Variants in ERBB4 observed in about 807,000 individuals in gnomAD.
ERBB4 encodes the protein erb-b2 receptor tyrosine kinase 4, also known as receptor tyrosine-protein kinase erbB-4.
In ERBB4, 42 loss-of-function variants were observed where a neutral mutation model predicts 158.0. The observed-to-expected ratio is 0.27, with a 90% confidence interval of 0.21 to 0.34. ERBB4 has a LOEUF of 0.34. ERBB4 is among the 10% of genes least tolerant of loss of function. The pLI is 1.00. For missense variants in ERBB4, 1,333 were observed against 1,624.1 expected (o/e 0.82, Z 3.08); for synonymous variants, 583 against 558.7 (o/e 1.04, Z -0.61).
chr2:212,003,511 C>A lies in ERBB4; in HGVS notation c.235-55895G>T, dbSNP rs185217504. On this transcript the variant is annotated intron_variant, in intron 2 of 27. Transcript: ENST00000342788. ...CTAACAGCCAATTCGTGCTGACTTC[C>A]TAGAACTAAATGGAATGGAAAACAC... Among the ~76,000 whole-genome samples the A allele has an allele frequency of 5.3e-4, 80 of 152,044 alleles. 1 individual carries two copies. Among genetic ancestry groups the A allele is most frequent in the African/African-American group, 1.8e-3 (73 of 41,504 alleles).
At chr2:211,555,980 T>C (rs2067226442) in intron 20 of ERBB4, among the ~76,000 whole-genome samples, 1 of 152,150 alleles carries the variant, frequency 6.6e-6, no homozygotes, top group Admixed American at 6.6e-5. Flanking sequence ...ATACTAAATC[T>C]TGAACGTAAA....
intron 2 of ERBB4, among the ~76,000 whole-genome samples, chr2:211,969,952 G>A (rs901327765): frequency 6.6e-6 from 1 of 151,764 alleles, no homozygotes; most frequent in African/African-American, 2.4e-5. Context: ...TTTGCTCTTG[G>A]TTCTCTAATT....
At chr2:211,984,119 G>A (rs932593165) in intron 2 of ERBB4, among the ~76,000 whole-genome samples, 6 of 152,134 alleles carry the variant, frequency 3.9e-5, no homozygotes, top group Non-Finnish European at 7.4e-5. Flanking sequence ...CTGCTTGAGG[G>A]CTTGCTTTCT....
chr2:211,778,402 C>T (rs1236440747), intron 4 of ERBB4: 1 of 152,068 alleles, frequency 6.6e-6, no homozygotes, highest in East Asian at 1.9e-4. Context: ...ACCAGGAACT[C>T]TGCTAGGAGA....
intron 12 of ERBB4, among the ~76,000 whole-genome samples, chr2:211,694,525 C>A (rs984724235): frequency 1.5e-4 from 23 of 149,204 alleles, no homozygotes; most frequent in Non-Finnish European, 4.4e-5. Context: ...AGACAGTGTG[C>A]TGTTTCAAAT....
chr2:211,631,271 C>T (rs540435262), intron 16 of ERBB4, among the ~76,000 whole-genome samples: 12 of 152,066 alleles, frequency 7.9e-5, no homozygotes, highest in Non-Finnish European at 1.8e-4. Context: ...CCCCACACCT[C>T]TGGAGTATAA....
At chr2:212,258,467 A>G (rs2084820887) in intron 1 of ERBB4, among the ~76,000 whole-genome samples, 1 of 151,678 alleles carries the variant, frequency 6.6e-6, no homozygotes, top group African/African-American at 2.4e-5. Context: ...TTTCCAAATA[A>G]TAAACAAAAA....
At chr2:211,981,877 T>G (rs566697165) in intron 2 of ERBB4, among the ~76,000 whole-genome samples, 4 of 152,304 alleles carry the variant, frequency 2.6e-5, no homozygotes, top group African/African-American at 4.8e-5. Context: ...AGCTGTTTGA[T>G]ACCTCTCACT....
At chr2:211,675,959 C>T (rs1367486360) in intron 13 of ERBB4, among the ~76,000 whole-genome samples, 4 of 151,728 alleles carry the variant, frequency 2.6e-5, no homozygotes, top group African/African-American at 9.7e-5. Flanking sequence ...GGTAGAAACT[C>T]CAACAAGATC....
At chr2:211,420,374 C>T (rs1342840200) in intron 25 of ERBB4, 67 bp downstream of exon 25, 5 of 1,124,528 alleles carry the variant, frequency 4.4e-6, no homozygotes, top group Middle Eastern at 2.7e-4. Context: ...AATGTTAGTG[C>T]TTATGAACTA....
intron 12 of ERBB4, among the ~76,000 whole-genome samples, chr2:211,685,603 A>G (rs2072532234): frequency 1.3e-5 from 2 of 152,198 alleles, no homozygotes; most frequent in Admixed American, 1.3e-4. Context: ...TAGTTGGACT[A>G]ACTTGTTTGC....
At position 211,630,572 on chromosome 2, in the gene ERBB4, C is replaced by A. The variant is rs1278933337; in HGVS notation, c.1969G>T (p.Val657Leu). Residue 657 changes from valine to leucine, a missense_variant, in exon 17 of 28, where the codon GTA becomes TTA. By Grantham distance (32) the Val-to-Leu change is conservative. This residue lies in a region of ERBB4 where 245 missense variants were observed against 247.5 expected (regional missense o/e 0.99). Transcript: ENST00000342788. ...ACCAGAATGAAGAGCCCACCAATTACTCCAGCTGCAATCAGGGGAGTTCTG... is the reference window on the plus strand; with the variant it reads ...ACCAGAATGAAGAGCCCACCAATTAATCCAGCTGCAATCAGGGGAGTTCTG... ...HARTPLIAAGVIGGLFILVIV... is the reference protein window; with the variant it reads ...HARTPLIAAGLIGGLFILVIV... 3 of 1,613,132 alleles carry A rather than the reference C, an allele frequency of 1.9e-6. No individual in the cohort carries two copies. The highest frequency in any genetic ancestry group is 2.5e-6 in the Non-Finnish European group (3 of 1,179,832).
intron 1 of ERBB4, among the ~76,000 whole-genome samples, chr2:212,465,861 T>C (rs1278072877): frequency 2.0e-5 from 3 of 152,234 alleles, no homozygotes; most frequent in Non-Finnish European, 4.4e-5. Context: ...AAACTTCGAA[T>C]GTTAAGTGGA....
intron 20 of ERBB4, among the ~76,000 whole-genome samples, chr2:211,549,349 AG>A (rs763905347): frequency 1.3e-5 from 2 of 151,964 alleles, no homozygotes; most frequent in Non-Finnish European, 2.9e-5. Context: ...TAAGACTGAA[AG>A]GGAAAGGTAG....
At chr2:212,244,613 G>A (rs559915468) in intron 1 of ERBB4, among the ~76,000 whole-genome samples, 2 of 152,200 alleles carry the variant, frequency 1.3e-5, no homozygotes, top group East Asian at 1.9e-4. Context: ...TTCACCATAT[G>A]TTTTATTTGA....
chr2:212,390,022 G>A (rs1017046944), intron 1 of ERBB4, among the ~76,000 whole-genome samples: 1 of 151,842 alleles, frequency 6.6e-6, no homozygotes, highest in Non-Finnish European at 1.5e-5. Context: ...GGTTCAGAGA[G>A]AGTAAATGAT....
chr2:211,669,969 A>G (rs1408063942), intron 14 of ERBB4, among the ~76,000 whole-genome samples: 1 of 152,230 alleles, frequency 6.6e-6, no homozygotes, highest in Non-Finnish European at 1.5e-5. Context: ...TGGTAAACAT[A>G]AGTATATATC....
intron 20 of ERBB4, among the ~76,000 whole-genome samples, chr2:211,454,803 A>G (rs1384144895): frequency 6.6e-6 from 1 of 152,204 alleles, no homozygotes; most frequent in Non-Finnish European, 1.5e-5. Flanking sequence ...AAGCAAAGGT[A>G]ATAACTTTTC....
chr2:212,534,186 C>T (rs1213755034), intron 1 of ERBB4, among the ~76,000 whole-genome samples: 1 of 152,086 alleles, frequency 6.6e-6, no homozygotes, highest in Non-Finnish European at 1.5e-5. Context: ...AAAATAATAC[C>T]GCTTTAAAGC....
Sources: gnomAD v4.1 joint callset for allele counts (sites outside exome capture counted in the v4.1 genomes callset) on GRCh38, gnomAD v4.1.1 for gene constraint, gnomAD v4.1.1 regional missense constraint, MANE v1.5 for transcripts, NCBI Gene and HGNC (gene_info 2026-07-23, HGNC 2026-07-21) for gene names.